Variants in ULK1 observed in about 807,000 individuals in gnomAD.
The protein encoded by ULK1 is serine/threonine-protein kinase ULK1.
Under a neutral mutation model 117.5 loss-of-function variants are expected in ULK1, and 48 were observed. That is an observed-to-expected ratio of 0.41 (90% CI 0.32 to 0.52). The LOEUF (loss-of-function observed/expected upper bound fraction) is 0.52, where lower values mean the gene tolerates loss of function less well. Ranked by LOEUF, ULK1 falls within the 20% of genes least tolerant of loss-of-function variation. The probability of loss-of-function intolerance (pLI) is 0.29; values close to 1 mark genes in which losing one functional copy is unlikely to be tolerated. For missense variants in ULK1, 1,387 were observed against 1,473.4 expected (o/e 0.94, Z 0.96); for synonymous variants, 790 against 637.8 (o/e 1.24, Z -3.60).
intron 3 of ULK1, among the ~76,000 whole-genome samples, chr12:131,896,124 G>A (rs1888857405): frequency 6.6e-6 from 1 of 152,152 alleles, no homozygotes; most frequent in Non-Finnish European, 1.5e-5. Flanking sequence ...TGAGTCCGGC[G>A]TCCCCGGCTG....
intron 8 of ULK1, among the ~76,000 whole-genome samples, chr12:131,909,560 C>T (rs948408074): frequency 1.3e-5 from 2 of 152,166 alleles, no homozygotes; most frequent in Non-Finnish European, 1.5e-5. Flanking sequence ...TGGGAGGCCG[C>T]GTTCTGGGGG....
rs143340589 is a variant in ULK1 at position 131,919,556 on chromosome 12, C to G, written c.2769C>G (p.Ala923=). Residue 923 remains alanine (A), a synonymous_variant, in exon 25 of 28, where the codon GCC becomes GCG. Coordinates refer to ENST00000321867, the MANE Select transcript of ULK1 (RefSeq NM_003565.4). ...GLQSAIDQIR[A]GKLCLSSTVK... is the part of the protein sequence containing the mutation. ...AAAGTGCCATCGACCAGATCCGGGC[C>G]GGCAAGCTCTGCCTGTCGTCCACTG... The G allele has an allele frequency of 1.2e-6, 2 of 1,612,200 alleles. No individual in the cohort carries two copies. Among genetic ancestry groups the G allele is most frequent in the Non-Finnish European group, 8.5e-7 (1 of 1,179,640 alleles).
chr12:131,902,525 A>G lies in ULK1; in HGVS notation c.247-4367A>G, dbSNP rs1889128985. On this transcript the variant is annotated intron_variant, in intron 3 of 27. Transcript: ENST00000321867. The surrounding 1 kb of genome is among the most constrained non-coding windows in gnomAD (Gnocchi z 6.3). ...GAGTGCTGTCCCAGGTCCCTCAGGC[A>G]TGCTGCCTGGAGACAGTGGGGTGTT... 6.6e-6 allele frequency among the ~76,000 whole-genome samples: 1 copy of G among 152,144 alleles called. No homozygotes were observed. Among genetic ancestry groups the G allele is most frequent in the African/African-American group, 2.4e-5 (1 of 41,418 alleles).
chr12:131,909,569 G>C (rs1416948663), intron 8 of ULK1, among the ~76,000 whole-genome samples: 1 of 152,160 alleles, frequency 6.6e-6, no homozygotes, highest in Non-Finnish European at 1.5e-5. Context: ...GCGTTCTGGG[G>C]GGTGGACACC....
chr12:131,900,433 C>T (rs1286063891), intron 3 of ULK1, among the ~76,000 whole-genome samples: 1 of 152,208 alleles, frequency 6.6e-6, no homozygotes, highest in African/African-American at 2.4e-5. Context: ...CTCTTTGAGT[C>T]CACCACAGCC....
Position 131,909,927 on chromosome 12 carries a change from G to T in ULK1, c.734G>T (p.Arg245Leu). 6.2e-7 allele frequency: 1 copy of T among 1,611,920 alleles called. No homozygotes were observed. The highest frequency in any genetic ancestry group is 8.5e-7 in the Non-Finnish European group (1 of 1,179,762). The part of the protein sequence containing the change: ...KNKTLVPTIP[R>L]ETSAPLRQLL... The stretch of plus-strand genomic sequence containing the variant: ...GCCTCCTCTTGCCCCAGCATCCCCC[G>T]GGAGACCTCGGCCCCGCTGCGGCAG... Residue 245 changes from arginine (R) to leucine (L), a missense_variant, in exon 10 of 28, where the codon CGG becomes CTG. This residue lies in a region of ULK1 where 260 missense variants were observed against 271.6 expected (regional missense o/e 0.96). Coordinates refer to ENST00000321867, the MANE Select transcript of ULK1 (RefSeq NM_003565.4).
rs777587359 is a variant in ULK1, at chr12:131,910,233, CACT to C, written c.809-20_809-18del. ...CAGAGCTGGGGTCCTCCTGAGGCCT[CACT>C]CCTCCTTCCTCCTGCAGATGAGTTT... On this transcript the variant is annotated intron_variant, in intron 10 of 27. Transcript: ENST00000321867. 1 of 1,613,516 alleles carries C rather than the reference CACT, an allele frequency of 6.2e-7. No homozygotes were observed. The highest frequency in any genetic ancestry group is 8.5e-7 in the Non-Finnish European group (1 of 1,179,928).
At chr12:131,914,120 C>A (rs1056498696) in intron 15 of ULK1, among the ~76,000 whole-genome samples, 2 of 152,252 alleles carry the variant, frequency 1.3e-5, no homozygotes, top group African/African-American at 2.4e-5. Context: ...GCCAGGGTGG[C>A]CCCCCACTGG....
intron 3 of ULK1, among the ~76,000 whole-genome samples, chr12:131,904,705 C>G (rs1215661813): frequency 6.6e-6 from 1 of 152,076 alleles, no homozygotes; most frequent in East Asian, 1.9e-4. Context: ...ATGAGCAGGT[C>G]AGGTCTTAGG....
At position 131,918,497 on chromosome 12, in the gene ULK1, C is replaced by T. The variant is rs1314412648; in HGVS notation, c.2327C>T (p.Ala776Val). 16 of 1,608,494 alleles carry T rather than the reference C, an allele frequency of 9.9e-6. No homozygotes were observed. Among genetic ancestry groups the T allele is most frequent in the African/African-American group, 1.3e-5 (1 of 74,786 alleles). Reference sequence around the variant, plus strand: ...GCCCCTCATCGCCCTCTCCCTGCAGCGGGCCCCACTGGCTCTGCCAGCTCT... The same window carrying T: ...GCCCCTCATCGCCCTCTCCCTGCAGTGGGCCCCACTGGCTCTGCCAGCTCT... ...PQGPRTRMFS[A>V]GPTGSASSSA... Residue 776 changes from alanine to valine, a missense_variant and splice_region_variant, in exon 23 of 28, where the codon GCG (alanine) becomes GTG (valine). By Grantham distance (64) the Ala-to-Val change is moderately conservative (BLOSUM62 0). Around this residue, in one of 4 missense-constraint regions of ULK1, gnomAD observed 900 missense variants for 858.9 expected, o/e 1.05. Transcript: ENST00000321867.
intron 26 of ULK1, 96 bp from the exon 27 acceptor site, chr12:131,921,004 C>T: frequency 6.9e-7 from 1 of 1,450,832 alleles, no homozygotes; most frequent in South Asian, 1.4e-5. Context: ...GAGCGCCTAT[C>T]TGCCACCCCT....
At chr12:131,899,065 A>G (rs1289061528) in intron 3 of ULK1, among the ~76,000 whole-genome samples, 1 of 150,470 alleles carries the variant, frequency 6.6e-6, no homozygotes, top group Non-Finnish European at 1.5e-5. Flanking sequence ...TAAAAAATTT[A>G]TACAATTTTC....
In ULK1 at chr12:131,902,761, G is replaced by T. The variant is rs1387967124; in HGVS notation, c.247-4131G>T. Among the ~76,000 whole-genome samples, 1 of 152,098 alleles carries T rather than the reference G, an allele frequency of 6.6e-6. No individual in the cohort carries two copies. The highest frequency in any genetic ancestry group is 1.5e-5 in the Non-Finnish European group (1 of 68,006). On this transcript the variant is annotated intron_variant, in intron 3 of 27. Transcript: ENST00000321867. This position sits in a 1 kb window ranked among gnomAD's most constrained non-coding sequence, Gnocchi z 6.3. ...GGGCGGTGTGGCCACAACTGTGTGT[G>T]TCACCACGGGACGGACCCCCGGACC...
chr12:131,904,578 T>G (rs1304927444), intron 3 of ULK1, among the ~76,000 whole-genome samples: 1 of 151,988 alleles, frequency 6.6e-6, no homozygotes, highest in Non-Finnish European at 1.5e-5. Context: ...CCTGGGTGAG[T>G]GGCTGGGGGA....
rs1890152233 is a variant in ULK1 at position 131,921,556 on chromosome 12, T to C, written c.*195T>C. The C allele has an allele frequency of 2.6e-6, 2 of 757,744 alleles. No individual in the cohort carries two copies. The highest frequency in any genetic ancestry group is 2.2e-6 in the Non-Finnish European group (1 of 464,960). The allele number at this position is 757,744 out of a possible 1,614,324, so 46.9% of individuals were successfully genotyped here. A position where few individuals can be genotyped will look rare whatever the true frequency, so the allele number is the denominator to read the frequency against. On this transcript the variant is annotated 3_prime_UTR_variant, in exon 28 of 28. Transcript: ENST00000321867. ...ACCAGCACATCTGGAGCCACACAGC[T>C]TGGGGGGTGTCTCCCATCTTTTACA...
chr12:131,903,518 C>T lies in ULK1; in HGVS notation c.247-3374C>T, dbSNP rs939349268. ...ACTTCACAGGAGGCTCTCGGAGGCA[C>T]GGGAAAGGCCCTGGTGTGCCCCGAT... On this transcript the variant is annotated intron_variant, in intron 3 of 27. Transcript: ENST00000321867. This position sits in a 1 kb window ranked among gnomAD's most constrained non-coding sequence, Gnocchi z 6.0. 5.3e-5 allele frequency among the ~76,000 whole-genome samples: 8 copies of T among 152,082 alleles called. No individual in the cohort carries two copies. Among genetic ancestry groups the T allele is most frequent in the African/African-American group, 1.7e-4 (7 of 41,390 alleles).
At chr12:131,910,362 C>T (rs988199811) in intron 11 of ULK1, 58 bp downstream of exon 11, 49 of 1,608,454 alleles carry the variant, frequency 3.0e-5, no homozygotes, top group African/African-American at 5.3e-5. Flanking sequence ...CCTTCCTCCC[C>T]GGGTTTGGTT....
At chr12:131,910,561 G>T in intron 11 of ULK1, 151 bp from the exon 12 acceptor site, 1 of 1,482,414 alleles carries the variant, frequency 6.7e-7, no homozygotes, top group Non-Finnish European at 9.2e-7. Context: ...GTCATAGGGT[G>T]GCCCAGGAGG....
chr12:131,908,198 G>A (rs1184265242), intron 5 of ULK1, among the ~76,000 whole-genome samples: 2 of 152,126 alleles, frequency 1.3e-5, no homozygotes, highest in Non-Finnish European at 2.9e-5. Flanking sequence ...TGGCCCCCTC[G>A]CCTCGCCCCA....
Sources: allele counts gnomAD v4.1 joint callset (sites outside exome capture counted in the v4.1 genomes callset), GRCh38; gene constraint gnomAD v4.1.1; regional missense constraint gnomAD v4.1.1; non-coding constraint Gnocchi (gnomAD v3.1); transcripts MANE v1.5; gene names NCBI Gene and HGNC (gene_info 2026-07-23, HGNC 2026-07-21).